The following ATP13A1 variants were observed in gnomAD, a reference collection of about 807,000 sequenced individuals.
ATP13A1 encodes the protein endoplasmic reticulum transmembrane helix translocase.
In ATP13A1, 55 loss-of-function variants were observed where a neutral mutation model predicts 134.8. That is an observed-to-expected ratio of 0.41 (90% CI 0.33 to 0.51). The LOEUF is 0.51. Ranked by LOEUF, ATP13A1 falls within the 20% of genes least tolerant of loss-of-function variation. ATP13A1 has a pLI of 0.29. For synonymous variants in ATP13A1, 775 were observed against 725.1 expected (o/e 1.07, Z -1.10); for missense variants, 1,389 against 1,652.8 (o/e 0.84, Z 2.77).
In ATP13A1 at chr19:19,655,779, G is replaced by C. The variant is rs1599434238; in HGVS notation, c.1269+99C>G. The C allele has an allele frequency of 2.0e-6, 3 of 1,533,164 alleles. No individual in the cohort carries two copies. Among genetic ancestry groups the C allele is most frequent in the Middle Eastern group, 1.9e-4 (1 of 5,294 alleles). The allele number at this position is 1,533,164 out of a possible 1,614,324, so 95.0% of individuals were successfully genotyped here. The stretch of plus-strand genomic sequence containing the variant: ...GCCCAGGTCCAGGGCCGTGCTGCCA[G>C]AGTCAGCCCGTGGGGCAGATGTTCT... On this transcript the variant is annotated intron_variant, in intron 9 of 25. Transcript: ENST00000357324. This position sits in a 1 kb window ranked among gnomAD's most constrained non-coding sequence, Gnocchi z 5.7.
At chr19:19,660,109 G>T (rs2062084963) in intron 1 of ATP13A1, 122 bp from the exon 2 acceptor site, 1 of 779,382 alleles carries the variant, frequency 1.3e-6, no homozygotes, top group Admixed American at 2.8e-5. Flanking sequence ...CTGGGCTCTG[G>T]TGCTGCCTCT....
chr19:19,656,812 G>A lies in ATP13A1; in HGVS notation c.976+35C>T. ...GGTTGGCCAGAGGCCCTGAGGCTGG[G>A]GCTCCCACTGGGACTGAGCGGAACC... On this transcript the variant is annotated intron_variant, in intron 6 of 25. Coordinates refer to ENST00000357324, the MANE Select transcript of ATP13A1 (RefSeq NM_020410.3). The surrounding 1 kb of genome is among the most constrained non-coding windows in gnomAD (Gnocchi z 4.6). The A allele has an allele frequency of 1.9e-6, 3 of 1,612,250 alleles. No homozygotes were observed. The highest frequency in any genetic ancestry group is 2.5e-6 in the Non-Finnish European group (3 of 1,179,278).
chr19:19,656,279 C>T lies in ATP13A1; in HGVS notation c.1084-96G>A. The T allele has an allele frequency of 6.7e-7, 1 of 1,492,518 alleles. No individual in the cohort carries two copies. The highest frequency in any genetic ancestry group is 9.0e-7 in the Non-Finnish European group (1 of 1,115,396). 92.5% of individuals were successfully genotyped at this position (1,492,518 alleles called of 1,614,324 possible). A position where few individuals can be genotyped will look rare whatever the true frequency, so the allele number is the denominator to read the frequency against. On this transcript the variant is annotated intron_variant, in intron 7 of 25. Coordinates refer to ENST00000357324, the MANE Select transcript of ATP13A1 (RefSeq NM_020410.3). This position sits in a 1 kb window ranked among gnomAD's most constrained non-coding sequence, Gnocchi z 4.6. Reference sequence around the variant, plus strand: ...AGCTGGACCTTGAGGCTGGAATGAGCCAGGGGGATCCCCACCCGACCAATA... The same window carrying T: ...AGCTGGACCTTGAGGCTGGAATGAGTCAGGGGGATCCCCACCCGACCAATA...
chr19:19,646,478 T>C, intron 22 of ATP13A1, 131 bp from the exon 23 acceptor site: 1 of 1,111,648 alleles, frequency 9.0e-7, no homozygotes, highest in Non-Finnish European at 1.3e-6. Flanking sequence ...CCTGGGGGAT[T>C]CCATGGGTCA....
rs573914176 is a variant in ATP13A1, at chr19:19,648,764, G to A, written c.2632+803C>T. ...GTAGAGGTTGCAGTGAGCTGAGACC[G>A]TGCTATTGCACTCCAGCCTGGGCAA... On this transcript the variant is annotated intron_variant, in intron 19 of 25. Coordinates refer to ENST00000357324, the MANE Select transcript of ATP13A1 (RefSeq NM_020410.3). Among the ~76,000 whole-genome samples, 3 of 136,056 alleles carry A rather than the reference G, an allele frequency of 2.2e-5. No homozygotes were observed. In the South Asian group the frequency reaches 7.2e-4, roughly 33 times the overall value. 89.3% of individuals were successfully genotyped at this position (136,056 alleles called of 152,430 possible).
At chr19:19,648,027 A>C (rs1320014877) in intron 19 of ATP13A1, among the ~76,000 whole-genome samples, 2 of 152,172 alleles carry the variant, frequency 1.3e-5, no homozygotes, top group Non-Finnish European at 2.9e-5. Flanking sequence ...GTCAAAACTA[A>C]ACTGATTTTG....
At chr19:19,646,452 A>G in intron 22 of ATP13A1, 105 bp from the exon 23 acceptor site, 2 of 1,336,394 alleles carry the variant, frequency 1.5e-6, no homozygotes, top group African/African-American at 1.4e-5. Flanking sequence ...GACCTTGTGT[A>G]CAGCCACCAC....
chr19:19,654,421 G>A (rs1052777767), intron 13 of ATP13A1, 122 bp downstream of exon 13: 8 of 1,273,836 alleles, frequency 6.3e-6, no homozygotes, highest in South Asian at 3.0e-5. Context: ...CACCCACCTC[G>A]GGGAGCATCA....
At chr19:19,659,348 T>C (rs899432109) in intron 3 of ATP13A1, among the ~76,000 whole-genome samples, 1 of 151,962 alleles carries the variant, frequency 6.6e-6, no homozygotes, top group African/African-American at 2.4e-5. Context: ...CCCAGCTGCT[T>C]GGCAGGTTGA....
Position 19,656,525 on chromosome 19 carries a change from G to T in ATP13A1, c.1083+135C>A. ...CTCGCCCCCACCACCCGGCTCCCCA[G>T]TCCACAGAGCTCATCTGTGCCCACA... On this transcript the variant is annotated intron_variant, in intron 7 of 25. Coordinates refer to ENST00000357324, the MANE Select transcript of ATP13A1 (RefSeq NM_020410.3). The surrounding 1 kb of genome is among the most constrained non-coding windows in gnomAD (Gnocchi z 4.6). 1 of 988,874 alleles carries T rather than the reference G, an allele frequency of 1.0e-6. No individual in the cohort carries two copies. Among genetic ancestry groups the T allele is most frequent in the Non-Finnish European group, 1.5e-6 (1 of 670,032 alleles). The allele number at this position is 988,874 out of a possible 1,614,324, so 61.3% of individuals were successfully genotyped here.
Position 19,657,105 on chromosome 19 carries a change from G to C in ATP13A1, c.795C>G (p.Tyr265Ter). The change falls in exon 5 of 26, where the codon TAC (tyrosine) becomes TAG (stop). Residue 265 changes from tyrosine to a stop codon, truncating the protein, a stop_gained. Coordinates refer to ENST00000357324, the MANE Select transcript of ATP13A1 (RefSeq NM_020410.3). LOFTEE classifies it high-confidence loss of function. ...GLWCLDEYWY[Y>*]SVFTLSMLVA... is the part of the protein sequence containing the mutation. Reference sequence around the variant, plus strand: ...CCAGCATGGATAGCGTAAAGACGCTGTAGTACCAGTACTCATCCAGGCACC... The same window carrying C: ...CCAGCATGGATAGCGTAAAGACGCTCTAGTACCAGTACTCATCCAGGCACC... The C allele has an allele frequency of 6.5e-7, 1 of 1,528,128 alleles. No homozygotes were observed. The highest frequency in any genetic ancestry group is 8.8e-7 in the Non-Finnish European group (1 of 1,138,084). The allele number at this position is 1,528,128 out of a possible 1,614,324, so 94.7% of individuals were successfully genotyped here. A position where few individuals can be genotyped will look rare whatever the true frequency, so the allele number is the denominator to read the frequency against.
At position 19,663,293 on chromosome 19, in the gene ATP13A1, T is replaced by G. The variant is rs757273443; in HGVS notation, c.374A>C (p.His125Pro). Reference protein sequence around the residue: ...VLSGHWSVHAHCALTCTPEYD... With the variant: ...VLSGHWSVHAPCALTCTPEYD... ...TACCGGGGTGCAGGTGAGCGCGCAA[T>G]GCGCGTGCACAGACCAATGCCCCGA... is the stretch of plus-strand genomic sequence containing the variant. Residue 125 changes from histidine (H) to proline (P), a missense_variant, in exon 1 of 26, where the codon CAT becomes CCT. Physicochemically the swap from His to Pro is moderately conservative, Grantham distance 77. Around this residue, in one of 4 missense-constraint regions of ATP13A1, gnomAD observed 293 missense variants for 270.8 expected, o/e 1.08. Transcript: ENST00000357324. The G allele has an allele frequency of 6.3e-7, 1 of 1,587,258 alleles. No homozygotes were observed. Among genetic ancestry groups the G allele is most frequent in the East Asian group, 2.3e-5 (1 of 43,054 alleles).
intron 2 of ATP13A1, 44 bp from the exon 3 acceptor site, chr19:19,659,835 G>T: frequency 6.2e-7 from 1 of 1,601,714 alleles, no homozygotes; most frequent in Non-Finnish European, 8.5e-7. Context: ...CTGACCTTGG[G>T]GTGTCAGCGC....
In ATP13A1 at chr19:19,663,294, G is replaced by T. The variant is rs2062106403; in HGVS notation, c.373C>A (p.His125Asn). ...ACCGGGGTGCAGGTGAGCGCGCAATGCGCGTGCACAGACCAATGCCCCGAG... is the reference window on the plus strand; with the variant it reads ...ACCGGGGTGCAGGTGAGCGCGCAATTCGCGTGCACAGACCAATGCCCCGAG... ...VLSGHWSVHA[H>N]CALTCTPEYD... The change falls in exon 1 of 26, where the codon CAT becomes AAT. Residue 125 changes from histidine to asparagine, a missense_variant. His to Asn is a moderately conservative substitution (Grantham distance 68). Around this residue, in one of 4 missense-constraint regions of ATP13A1, gnomAD observed 293 missense variants for 270.8 expected, o/e 1.08. Transcript: ENST00000357324. 3.1e-6 allele frequency: 5 copies of T among 1,587,584 alleles called. No individual in the cohort carries two copies. The South Asian group carries it at 4.6e-5, about 15-fold the overall frequency.
rs1265554482 is a variant in ATP13A1, at chr19:19,653,677, A to T, written c.2100+107T>A. ...AGAAGCTGGAGGCGGGGCAAGGAGG[A>T]CAAAATCACAACCATTCAACCTGGC... is the stretch of plus-strand genomic sequence containing the variant. On this transcript the variant is annotated intron_variant, in intron 15 of 25. Transcript: ENST00000357324. This position sits in a 1 kb window ranked among gnomAD's most constrained non-coding sequence, Gnocchi z 4.2. The T allele has an allele frequency of 9.3e-7, 1 of 1,074,726 alleles. No individual in the cohort carries two copies. Among genetic ancestry groups the T allele is most frequent in the Admixed American group, 2.5e-5 (1 of 39,728 alleles). The allele number at this position is 1,074,726 out of a possible 1,614,324, so 66.6% of individuals were successfully genotyped here.
chr19:19,657,384 G>GA lies in ATP13A1; in HGVS notation c.701dup (p.Ser235LeufsTer27). ...TGGCTCTCTCCTTGAAAAGCTCCGA[G>GA]AAGTCAGGCACCACCATCTCGGCCC... On this transcript the variant is annotated frameshift_variant, in exon 4 of 26. Coordinates refer to ENST00000357324, the MANE Select transcript of ATP13A1 (RefSeq NM_020410.3). LOFTEE classifies it high-confidence loss of function. 1 of 1,573,732 alleles carries GA rather than the reference G, an allele frequency of 6.4e-7. No individual in the cohort carries two copies.
Position 19,657,137 on chromosome 19 carries a change from C to A in ATP13A1, c.763G>T (p.Gly255Trp). The A allele has an allele frequency of 6.6e-7, 1 of 1,508,776 alleles. No homozygotes were observed. Among genetic ancestry groups the A allele is most frequent in the East Asian group, 2.3e-5 (1 of 42,850 alleles). The allele number at this position is 1,508,776 out of a possible 1,614,324, so 93.5% of individuals were successfully genotyped here. A position where few individuals can be genotyped will look rare whatever the true frequency, so the allele number is the denominator to read the frequency against. Reference protein sequence around the residue: ...PFFVFQVFCVGLWCLDEYWYY... With the variant: ...PFFVFQVFCVWLWCLDEYWYY... The stretch of plus-strand genomic sequence containing the variant: ...CAGTACTCATCCAGGCACCAGAGCC[C>A]CACACAGAACACCTGTGGGATACCA... The change falls in exon 5 of 26, where the codon GGG (glycine) becomes TGG (tryptophan). Residue 255 changes from glycine to tryptophan, a missense_variant. Gly to Trp is a radical substitution (Grantham distance 184, BLOSUM62 -2). Transcript: ENST00000357324.
At position 19,649,782 on chromosome 19, in the gene ATP13A1, G is replaced by T; in HGVS notation, c.2494C>A (p.Pro832Thr). 1 of 1,601,526 alleles carries T rather than the reference G, an allele frequency of 6.2e-7. No individual in the cohort carries two copies. ...ACACGGGCGAACACCTGCACATGGGGGATGAGGCGGAGCAGCTGCTGGGGG... is the reference window on the plus strand; with the variant it reads ...ACACGGGCGAACACCTGCACATGGGTGATGAGGCGGAGCAGCTGCTGGGGG... Reference protein sequence around the residue: ...TDPQQLLRLIPHVQVFARVAP... With the variant: ...TDPQQLLRLITHVQVFARVAP... The change falls in exon 18 of 26, where the codon CCC (proline) becomes ACC (threonine). Residue 832 changes from proline to threonine, a missense_variant. Pro to Thr is a conservative substitution (Grantham distance 38, BLOSUM62 -1). Around this residue, in one of 4 missense-constraint regions of ATP13A1, gnomAD observed 747 missense variants for 956.1 expected, o/e 0.78. Coordinates refer to ENST00000357324, the MANE Select transcript of ATP13A1 (RefSeq NM_020410.3).
chr19:19,656,400 C>T lies in ATP13A1; in HGVS notation c.1084-217G>A, dbSNP rs373657096. On this transcript the variant is annotated intron_variant, in intron 7 of 25. Coordinates refer to ENST00000357324, the MANE Select transcript of ATP13A1 (RefSeq NM_020410.3). This position sits in a 1 kb window ranked among gnomAD's most constrained non-coding sequence, Gnocchi z 4.6. Reference sequence around the variant, plus strand: ...GCTCTCTGGGGCCTGCACTTGGCCTCGTCTGGGACTCACCCCTCTGGACTG... The same window carrying T: ...GCTCTCTGGGGCCTGCACTTGGCCTTGTCTGGGACTCACCCCTCTGGACTG... 6.6e-6 allele frequency among the ~76,000 whole-genome samples: 1 copy of T among 152,136 alleles called. No homozygotes were observed. The highest frequency in any genetic ancestry group is 1.5e-5 in the Non-Finnish European group (1 of 67,998).
Sources: allele counts gnomAD v4.1 joint callset (sites outside exome capture counted in the v4.1 genomes callset), GRCh38; gene constraint gnomAD v4.1.1; regional missense constraint gnomAD v4.1.1; non-coding constraint Gnocchi (gnomAD v3.1); transcripts MANE v1.5; gene names NCBI Gene and HGNC (gene_info 2026-07-23, HGNC 2026-07-21).